CNTN5: variants seen among roughly 807,000 people sequenced by gnomAD.
CNTN5 encodes the protein contactin 5.
CNTN5 carries 77 observed loss-of-function variants against 129.1 expected under a neutral mutation model. The ratio of observed to expected loss-of-function variants is 0.60; its 90% CI spans 0.50 to 0.72. The LOEUF (loss-of-function observed/expected upper bound fraction) is 0.72. Ranked by LOEUF, CNTN5 falls within the 30% of genes least tolerant of loss-of-function variation. The probability of loss-of-function intolerance (pLI) is 0.00; values close to 1 mark genes in which losing one functional copy is unlikely to be tolerated. For synonymous variants in CNTN5, 509 were observed against 465.6 expected (o/e 1.09, Z -1.20); for missense variants, 1,478 against 1,328.8 (o/e 1.11, Z -1.75).
At chr11:99,191,983 T>C (rs994318098) in intron 1 of CNTN5, among the ~76,000 whole-genome samples, 1 of 151,576 alleles carries the variant, frequency 6.6e-6, no homozygotes, top group Non-Finnish European at 1.5e-5. Context: ...AAACAGAAAC[T>C]ATAAAAATAA....
intron 1 of CNTN5, among the ~76,000 whole-genome samples, chr11:99,247,862 T>C (rs1464286138): frequency 6.6e-6 from 1 of 152,196 alleles, no homozygotes; most frequent in Non-Finnish European, 1.5e-5. Context: ...AGTCTATCAT[T>C]GTTGGACATT....
chr11:99,520,728 C>T (rs754588965), intron 2 of CNTN5, among the ~76,000 whole-genome samples: 19 of 152,080 alleles, frequency 1.2e-4, no homozygotes, highest in South Asian at 8.3e-4. Flanking sequence ...CCTTCTCATA[C>T]GTATTTTGGG....
chr11:99,682,676 A>C (rs968910025), intron 3 of CNTN5, among the ~76,000 whole-genome samples: 2 of 151,970 alleles, frequency 1.3e-5, no homozygotes, highest in African/African-American at 4.8e-5. Context: ...TAAAATTGGC[A>C]CATAAAACCA....
chr11:99,161,872 C>T (rs1591295708), intron 1 of CNTN5, among the ~76,000 whole-genome samples: 1 of 152,230 alleles, frequency 6.6e-6, no homozygotes, highest in South Asian at 2.1e-4. Flanking sequence ...ACTTTTACCA[C>T]TGTTGGGACT....
chr11:99,644,619 C>CA (rs1951884256), intron 3 of CNTN5, among the ~76,000 whole-genome samples: 1 of 152,072 alleles, frequency 6.6e-6, no homozygotes. Flanking sequence ...AGAAATCAGT[C>CA]AAAATTGGCC....
chr11:99,420,466 T>C (rs1219079423), intron 2 of CNTN5, among the ~76,000 whole-genome samples: 1 of 152,116 alleles, frequency 6.6e-6, no homozygotes. Flanking sequence ...TCATACATAA[T>C]GTCACACTCA....
At chr11:99,464,899 GTAGT>G (rs1488611553) in intron 2 of CNTN5, among the ~76,000 whole-genome samples, 1 of 152,132 alleles carries the variant, frequency 6.6e-6, no homozygotes, top group African/African-American at 2.4e-5. Flanking sequence ...GGTAACAACT[GTAGT>G]TAGTTTACTA....
chr11:99,253,899 A>T lies in CNTN5; in HGVS notation c.-209-71447A>T, dbSNP rs867124663. Among the ~76,000 whole-genome samples the T allele has an allele frequency of 2.4e-4, 12 of 49,752 alleles. No homozygotes were observed. The South Asian group carries it at 5.0e-3, about 21-fold the overall frequency. The allele number at this position is 49,752 out of a possible 152,430, so 32.6% of individuals were successfully genotyped here. A position where few individuals can be genotyped will look rare whatever the true frequency, so the allele number is the denominator to read the frequency against. On this transcript the variant is annotated intron_variant, in intron 1 of 24. Transcript: ENST00000524871. ...AATGTATTAACACAAATATACGTTT[A>T]TATATATATATATATATATATATAT... is the stretch of plus-strand genomic sequence containing the variant.
At chr11:99,714,051 T>C (rs1026988515) in intron 3 of CNTN5, among the ~76,000 whole-genome samples, 1 of 151,880 alleles carries the variant, frequency 6.6e-6, no homozygotes, top group Non-Finnish European at 1.5e-5. Flanking sequence ...ACTTGTTTCT[T>C]TTTATTCATA....
intron 2 of CNTN5, among the ~76,000 whole-genome samples, chr11:99,551,654 T>A (rs1948486633): frequency 6.6e-6 from 1 of 152,192 alleles, no homozygotes; most frequent in African/African-American, 2.4e-5. Context: ...CAAACCTATA[T>A]GGTGCAGCTT....
chr11:99,736,754 A>G (rs1002188912), intron 3 of CNTN5, among the ~76,000 whole-genome samples: 30 of 152,196 alleles, frequency 2.0e-4, no homozygotes, highest in African/African-American at 4.8e-5. Flanking sequence ...GCCTATCTAT[A>G]TGTATCTATA....
At chr11:100,309,748 C>T in intron 21 of CNTN5, 1 of 975,478 alleles carries the variant, frequency 1.0e-6, no homozygotes, top group Non-Finnish European at 1.2e-6. Flanking sequence ...CCGTAGAAGA[C>T]ACTGTGGTGG....
intron 1 of CNTN5, among the ~76,000 whole-genome samples, chr11:99,083,235 G>A (rs1452055716): frequency 6.6e-6 from 1 of 152,054 alleles, no homozygotes; most frequent in African/African-American, 2.4e-5. Context: ...ATTCTTCAGT[G>A]TTCTTCCCTC....
chr11:99,601,054 C>T (rs1349515549), intron 3 of CNTN5, among the ~76,000 whole-genome samples: 4 of 152,160 alleles, frequency 2.6e-5, no homozygotes, highest in African/African-American at 7.2e-5. Context: ...TACTAAACAA[C>T]AAGGATCACA....
At chr11:100,115,670 T>C (rs1011833847) in intron 13 of CNTN5, among the ~76,000 whole-genome samples, 2 of 152,078 alleles carry the variant, frequency 1.3e-5, no homozygotes, top group African/African-American at 4.8e-5. Flanking sequence ...ATAGCAGGAA[T>C]GTTTTGGTAA....
rs189877741 is a variant in CNTN5, at chr11:99,679,814, T to C, written c.55+123545T>C. Among the ~76,000 whole-genome samples, 195 of 152,350 alleles carry C rather than the reference T, an allele frequency of 1.3e-3. 1 individual carries two copies. Among genetic ancestry groups the C allele is most frequent in the Middle Eastern group, 0.01 (3 of 294 alleles). Reference sequence around the variant, plus strand: ...CAAGATAACCTGAAAGCTAGGCCTCTTGCATCAAACCTTAGCCAGGCTGTG... The same window carrying C: ...CAAGATAACCTGAAAGCTAGGCCTCCTGCATCAAACCTTAGCCAGGCTGTG... On this transcript the variant is annotated intron_variant, in intron 3 of 24. Transcript: ENST00000524871.
At chr11:99,234,309 A>G (rs1861158691) in intron 1 of CNTN5, among the ~76,000 whole-genome samples, 1 of 152,172 alleles carries the variant, frequency 6.6e-6, no homozygotes, top group Non-Finnish European at 1.5e-5. Flanking sequence ...AAAGAGATTA[A>G]GAAAAGAGAG....
intron 1 of CNTN5, among the ~76,000 whole-genome samples, chr11:99,074,808 A>G (rs1865492206): frequency 6.6e-6 from 1 of 152,220 alleles, no homozygotes. Context: ...AGAAAGGCTC[A>G]GTAGATTCAA....
chr11:99,905,230 A>G (rs1949467250), intron 6 of CNTN5, among the ~76,000 whole-genome samples: 1 of 152,172 alleles, frequency 6.6e-6, no homozygotes, highest in Admixed American at 6.5e-5. Flanking sequence ...TATGTCCCGA[A>G]TGGTATTGCC....
Sources: gnomAD v4.1 joint callset for allele counts (sites outside exome capture counted in the v4.1 genomes callset) on GRCh38, gnomAD v4.1.1 for gene constraint, MANE v1.5 for transcripts, NCBI Gene and HGNC (gene_info 2026-07-23, HGNC 2026-07-21) for gene names.